DENND2B: variants seen among roughly 807,000 people sequenced by gnomAD.
The protein encoded by DENND2B is DENN domain containing 2B, also known as DENN domain-containing protein 2B.
In DENND2B, 32 loss-of-function variants were observed where a neutral mutation model predicts 116.0. The ratio of observed to expected loss-of-function variants is 0.28; its 90% CI spans 0.21 to 0.37. DENND2B has a LOEUF of 0.37. Ranked by LOEUF, DENND2B falls within the 10% of genes least tolerant of loss-of-function variation. DENND2B has a pLI of 1.00. For missense variants in DENND2B, 1,276 were observed against 1,477.7 expected (o/e 0.86, Z 2.24); for synonymous variants, 588 against 583.9 (o/e 1.01, Z -0.10).
intron 2 of DENND2B, among the ~76,000 whole-genome samples, chr11:8,747,666 TG>T (rs1417331508): frequency 6.6e-6 from 1 of 152,154 alleles, no homozygotes; most frequent in Non-Finnish European, 1.5e-5. Flanking sequence ...AGAGTGTATC[TG>T]GCAGGTAAGG....
intron 1 of DENND2B, among the ~76,000 whole-genome samples, chr11:8,906,624 G>A (rs545522254): frequency 1.3e-5 from 2 of 151,156 alleles, no homozygotes; most frequent in Admixed American, 1.3e-4. Context: ...AATCATTCCT[G>A]CTCTGCAACC....
chr11:8,722,384 T>G (rs2046338898), intron 4 of DENND2B, among the ~76,000 whole-genome samples: 1 of 152,134 alleles, frequency 6.6e-6, no homozygotes, highest in South Asian at 2.1e-4. Flanking sequence ...ACAGCTCCAT[T>G]CCTGCATGCC....
upstream of DENND2B, among the ~76,000 whole-genome samples, chr11:8,815,074 G>T (rs1161116997): frequency 6.6e-6 from 1 of 151,932 alleles, no homozygotes; most frequent in Admixed American, 6.6e-5. Context: ...CCCACTCACA[G>T]GCCTCCACCA....
chr11:8,851,400 G>T (rs1190404473), intron 3 of DENND2B, among the ~76,000 whole-genome samples: 1 of 152,042 alleles, frequency 6.6e-6, no homozygotes, highest in Non-Finnish European at 1.5e-5. Flanking sequence ...AAATATTCAA[G>T]CTCCATAGCA....
chr11:8,830,814 A>G (rs1290002336), intron 4 of DENND2B: 7 of 152,206 alleles, frequency 4.6e-5, no homozygotes, highest in East Asian at 1.9e-4. Flanking sequence ...AGACAGCTCT[A>G]TTTAGCTCCA....
Position 8,844,756 on chromosome 11 carries a change from A to C in DENND2B, c.-155-5406T>G, listed in dbSNP as rs934032094. 4.7e-4 allele frequency among the ~76,000 whole-genome samples: 71 copies of C among 151,802 alleles called. 1 individual carries two copies. The highest frequency in any genetic ancestry group is 1.6e-3 in the African/African-American group (68 of 41,414). On this transcript the variant is annotated intron_variant, in intron 3 of 6. Transcript: ENST00000524757. ...CTATTTATTTTATTTTTTTTTAGAG[A>C]CAGGGTCTTGCTGTATCACCCAAGC... is the stretch of plus-strand genomic sequence containing the variant.
chr11:8,738,784 C>T lies in DENND2B; in HGVS notation c.81-7575G>A, dbSNP rs1037211642. On this transcript the variant is annotated intron_variant, in intron 2 of 19. Transcript: ENST00000313726. ...ATTCACTGGCATTGTTGATGAGGAC[C>T]CCATGAGCTGGTCCCTGCCTACTTT... Among the ~76,000 whole-genome samples, 49 of 152,140 alleles carry T rather than the reference C, an allele frequency of 3.2e-4. 2 individuals carry two copies. Among genetic ancestry groups the T allele is most frequent in the Non-Finnish European group, 1.5e-5 (1 of 68,024 alleles).
intron 3 of DENND2B, among the ~76,000 whole-genome samples, chr11:8,843,383 C>T (rs1258238660): frequency 6.6e-6 from 1 of 152,134 alleles, no homozygotes; most frequent in Non-Finnish European, 1.5e-5. Context: ...GGCTGCAGCA[C>T]TAAGCCCAAT....
intron 6 of DENND2B, among the ~76,000 whole-genome samples, chr11:8,715,174 A>G (rs2044506066): frequency 6.6e-6 from 1 of 152,238 alleles, no homozygotes; most frequent in Admixed American, 6.5e-5. Context: ...CCATCTGGCT[A>G]AATCCTGCTG....
upstream of DENND2B, among the ~76,000 whole-genome samples, chr11:8,872,804 A>G (rs922596231): frequency 2.6e-5 from 4 of 152,178 alleles, no homozygotes; most frequent in Non-Finnish European, 4.4e-5. Flanking sequence ...CACATTGAAA[A>G]CACAAAGGCC....
rs994289423 is a variant in DENND2B at position 8,881,821 on chromosome 11, A to G, written c.-255-712T>C. 4.6e-5 allele frequency among the ~76,000 whole-genome samples: 7 copies of G among 152,344 alleles called. No individual in the cohort carries two copies. In the East Asian group the frequency reaches 7.7e-4, roughly 17 times the overall value. ...CAGCCTCCCAAAGCGCTGGGATTAC[A>G]GGCGTGAGCCAGCATGCCCGGCCAG... On this transcript the variant is annotated intron_variant, in intron 1 of 22. Transcript: ENST00000534127.
At chr11:8,780,266 C>T (rs997349665) in intron 1 of DENND2B, among the ~76,000 whole-genome samples, 3 of 152,146 alleles carry the variant, frequency 2.0e-5, no homozygotes, top group Non-Finnish European at 4.4e-5. Context: ...AGGGTGAATA[C>T]AATAGACATA....
intron 1 of DENND2B, among the ~76,000 whole-genome samples, chr11:8,795,570 G>A (rs751779284): frequency 1.1e-4 from 17 of 151,944 alleles, no homozygotes; most frequent in Admixed American, 2.6e-4. Context: ...TTCTGATCCC[G>A]CCCACCCTGA....
intron 1 of DENND2B, among the ~76,000 whole-genome samples, chr11:8,896,300 T>G (rs2134751376): frequency 6.6e-6 from 1 of 152,162 alleles, no homozygotes; most frequent in African/African-American, 2.4e-5. Flanking sequence ...AATATAAGCT[T>G]TATCCTAAAA....
intron 9 of DENND2B, 52 bp from the exon 10 acceptor site, chr11:8,711,283 G>A: frequency 6.4e-7 from 1 of 1,562,736 alleles, no homozygotes; most frequent in Non-Finnish European, 8.8e-7. Flanking sequence ...GGCGGGTGGT[G>A]GTGGCTGAGA....
At chr11:8,907,702 C>CT (rs1388941855) in intron 1 of DENND2B, among the ~76,000 whole-genome samples, 1 of 151,694 alleles carries the variant, frequency 6.6e-6, no homozygotes. Flanking sequence ...AAAGCCAACT[C>CT]TTTTTTTTCT....
chr11:8,707,174 G>C lies in DENND2B; in HGVS notation c.2482C>G (p.Pro828Ala). Reference sequence around the variant, plus strand: ...GACTCCATGAGACTTCTCATGAAAGGATAGACCAATGCAGCGGAGATCCCA... The same window carrying C: ...GACTCCATGAGACTTCTCATGAAAGCATAGACCAATGCAGCGGAGATCCCA... ...RRGISAALVY[P>A]FMRSLMESPF... Residue 828 changes from proline to alanine, a missense_variant, in exon 13 of 20, where the codon CCT (proline) becomes GCT (alanine). Around this residue, in one of 2 missense-constraint regions of DENND2B, gnomAD observed 420 missense variants for 631.1 expected, o/e 0.67. Transcript: ENST00000313726. This position sits in a 1 kb window ranked among gnomAD's most constrained non-coding sequence, Gnocchi z 4.8. The C allele has an allele frequency of 6.2e-7, 1 of 1,613,890 alleles. No individual in the cohort carries two copies. The highest frequency in any genetic ancestry group is 8.5e-7 in the Non-Finnish European group (1 of 1,179,868).
In DENND2B at chr11:8,746,863, G is replaced by A. The variant is rs572717571; in HGVS notation, c.80+3758C>T. On this transcript the variant is annotated intron_variant, in intron 2 of 19. Transcript: ENST00000313726. The stretch of plus-strand genomic sequence containing the variant: ...TAAAATAACAGAAGGATGAAGAGAG[G>A]CAGGCTTGAGTACCTCTTCCTACTA... 2.0e-4 allele frequency among the ~76,000 whole-genome samples: 30 copies of A among 152,208 alleles called. No individual in the cohort carries two copies. The South Asian group carries it at 5.6e-3, about 28-fold the overall frequency.
At chr11:8,774,085 T>A in intron 1 of DENND2B, 3 of 983,902 alleles carry the variant, frequency 3.0e-6, no homozygotes, top group Non-Finnish European at 3.6e-6. Context: ...AGTGCTGTTG[T>A]ACAGATTGAG....
Sources: allele counts gnomAD v4.1 joint callset (sites outside exome capture counted in the v4.1 genomes callset), GRCh38; gene constraint gnomAD v4.1.1; regional missense constraint gnomAD v4.1.1; non-coding constraint Gnocchi (gnomAD v3.1); transcripts MANE v1.5; gene names NCBI Gene and HGNC (gene_info 2026-07-23, HGNC 2026-07-21).